ADGRV1: variants seen among roughly 807,000 people sequenced by gnomAD.
ADGRV1 encodes adhesion G protein-coupled receptor V1.
Under a neutral mutation model 596.2 loss-of-function variants are expected in ADGRV1, and 359 were observed. That is an observed-to-expected ratio of 0.60 (90% CI 0.55 to 0.66). The LOEUF is 0.66. ADGRV1 is among the 30% of genes least tolerant of loss of function. ADGRV1 has a pLI of 0.00. For missense variants in ADGRV1, 7,274 were observed against 7,575.6 expected (o/e 0.96, Z 1.48); for synonymous variants, 2,681 against 2,679.2 (o/e 1.00, Z -0.02).
Position 90,781,507 on chromosome 5 carries a change from G to C in ADGRV1, c.13160G>C (p.Arg4387Pro), listed in dbSNP as rs776130832. 1.2e-6 allele frequency: 2 copies of C among 1,610,576 alleles called. No homozygotes were observed. Among genetic ancestry groups the C allele is most frequent in the Non-Finnish European group, 1.7e-6 (2 of 1,177,996 alleles). Residue 4387 changes from arginine (R) to proline (P), a missense_variant, in exon 65 of 90, where the codon CGC becomes CCC. By Grantham distance (103) the Arg-to-Pro change is moderately radical. Transcript: ENST00000405460. ...GAAATAGGAAACATCTCCATTGTTCGCATCATAATAATGAAAAATGATAAC... is the reference window on the plus strand; with the variant it reads ...GAAATAGGAAACATCTCCATTGTTCCCATCATAATAATGAAAAATGATAAC... Reference protein sequence around the residue: ...PPEIGNISIVRIIIMKNDNAE... With the variant: ...PPEIGNISIVPIIIMKNDNAE...
At chr5:90,862,565 G>T (rs1767711249) in intron 82 of ADGRV1, among the ~76,000 whole-genome samples, 1 of 152,128 alleles carries the variant, frequency 6.6e-6, no homozygotes, top group Non-Finnish European at 1.5e-5. Flanking sequence ...TGACTCTGCA[G>T]TTCCTGAAGA....
At chr5:91,053,845 C>T (rs1786572116) in intron 85 of ADGRV1, among the ~76,000 whole-genome samples, 1 of 152,182 alleles carries the variant, frequency 6.6e-6, no homozygotes, top group South Asian at 2.1e-4. Flanking sequence ...GCTCAGGAAG[C>T]ATGTCTTATT....
Position 91,135,646 on chromosome 5 carries a change from C to A in ADGRV1, c.18433-14384C>A, listed in dbSNP as rs192949066. 2.2e-4 allele frequency among the ~76,000 whole-genome samples: 33 copies of A among 152,314 alleles called. No homozygotes were observed. The East Asian group carries it at 5.6e-3, about 26-fold the overall frequency. On this transcript the variant is annotated intron_variant, in intron 87 of 89. Coordinates refer to ENST00000405460, the MANE Select transcript of ADGRV1 (RefSeq NM_032119.4). Reference sequence around the variant, plus strand: ...CTGCCCTTGTTTTCTAGGCCCCAGGCAATACAGGCTTTTCTGGAGTTCATA... The same window carrying A: ...CTGCCCTTGTTTTCTAGGCCCCAGGAAATACAGGCTTTTCTGGAGTTCATA...
intron 84 of ADGRV1, among the ~76,000 whole-genome samples, chr5:90,978,035 G>A (rs1404508542): frequency 1.3e-5 from 2 of 152,018 alleles, no homozygotes; most frequent in Non-Finnish European, 2.9e-5. Context: ...GGTAGCTCAA[G>A]CCTGTAATCC....
chr5:91,111,284 ATG>A (rs1359793011), intron 87 of ADGRV1, among the ~76,000 whole-genome samples: 1 of 151,922 alleles, frequency 6.6e-6, no homozygotes, highest in Non-Finnish European at 1.5e-5. Flanking sequence ...CTTGTTTTCT[ATG>A]TGTCTCTCGT....
At position 90,956,754 on chromosome 5, in the gene ADGRV1, G is replaced by A. The variant is rs377045861; in HGVS notation, c.17857-8661G>A. Among the ~76,000 whole-genome samples the A allele has an allele frequency of 1.1e-4, 16 of 152,214 alleles. 1 individual carries two copies. In the East Asian group the frequency reaches 2.5e-3, roughly 24 times the overall value. On this transcript the variant is annotated intron_variant, in intron 83 of 89. Transcript: ENST00000405460. ...TTAGTGATTTTTGGAGTACATGCTA[G>A]CATCGGTGATTTTAAGTGGTTATTT...
At chr5:90,936,028 G>A (rs1775657218) in intron 83 of ADGRV1, among the ~76,000 whole-genome samples, 2 of 152,146 alleles carry the variant, frequency 1.3e-5, no homozygotes, top group Non-Finnish European at 1.5e-5. Flanking sequence ...AAGAGTTTTA[G>A]AATAAGACTC....
intron 81 of ADGRV1, among the ~76,000 whole-genome samples, chr5:90,854,450 A>T (rs1766832278): frequency 6.6e-6 from 1 of 152,164 alleles, no homozygotes; most frequent in Non-Finnish European, 1.5e-5. Flanking sequence ...CTTTCACGGG[A>T]TGTGGCATGA....
chr5:91,015,577 A>C (rs1034377586), intron 85 of ADGRV1, among the ~76,000 whole-genome samples: 2 of 152,052 alleles, frequency 1.3e-5, no homozygotes, highest in Non-Finnish European at 2.9e-5. Flanking sequence ...TGTTGGGTGC[A>C]TATATATTTA....
chr5:90,660,541 A>G (rs1352245864), intron 21 of ADGRV1, among the ~76,000 whole-genome samples: 1 of 148,944 alleles, frequency 6.7e-6, no homozygotes, highest in Admixed American at 6.8e-5. Flanking sequence ...GTTAAAAAAA[A>G]TTCCCTCAAA....
intron 87 of ADGRV1, among the ~76,000 whole-genome samples, chr5:91,114,124 C>G (rs551084315): frequency 5.6e-4 from 85 of 152,148 alleles, no homozygotes; most frequent in African/African-American, 1.9e-3. Flanking sequence ...GAGGCTGAGG[C>G]AGGAGAATCA....
intron 85 of ADGRV1, among the ~76,000 whole-genome samples, chr5:91,001,721 A>G (rs887075282): frequency 1.3e-5 from 2 of 152,186 alleles, no homozygotes; most frequent in Non-Finnish European, 2.9e-5. Context: ...TTTTTATTGC[A>G]TGTTTCAGAA....
chr5:91,162,696 C>T (rs995423366), intron 89 of ADGRV1, among the ~76,000 whole-genome samples: 3 of 152,142 alleles, frequency 2.0e-5, no homozygotes, highest in South Asian at 2.1e-4. Context: ...AGAGAGAGTG[C>T]GAAGGTCAGA....
rs1392308526 is a variant in ADGRV1 at position 91,034,743 on chromosome 5, A to G, written c.18153-37704A>G. On this transcript the variant is annotated intron_variant, in intron 85 of 89. Transcript: ENST00000405460. ...TTTTTTTGCATCCTGCCAAATTCTA[A>G]AAGTACAAGTCAGAGTGACAAGCAG... Among the ~76,000 whole-genome samples, 3 of 152,184 alleles carry G rather than the reference A, an allele frequency of 2.0e-5. No individual in the cohort carries two copies. In the East Asian group the frequency reaches 5.8e-4, roughly 29 times the overall value.
intron 83 of ADGRV1, among the ~76,000 whole-genome samples, chr5:90,921,563 A>G (rs1416176841): frequency 6.6e-6 from 1 of 152,108 alleles, no homozygotes; most frequent in Admixed American, 6.6e-5. Context: ...CAGAGCTGCA[A>G]TTTCTTTTGC....
At chr5:90,560,149 CT>C (rs1561287328) in intron 1 of ADGRV1, among the ~76,000 whole-genome samples, 1 of 152,158 alleles carries the variant, frequency 6.6e-6, no homozygotes, top group Non-Finnish European at 1.5e-5. Context: ...TTCACCCATC[CT>C]TCCAGGCATT....
intron 85 of ADGRV1, among the ~76,000 whole-genome samples, chr5:90,999,618 C>T (rs1350047024): frequency 1.3e-5 from 2 of 151,888 alleles, no homozygotes; most frequent in Non-Finnish European, 2.9e-5. Context: ...CTTTTTTATT[C>T]CCATTACAAA....
intron 75 of ADGRV1, among the ~76,000 whole-genome samples, chr5:90,816,012 C>T (rs1762855765): frequency 6.6e-6 from 1 of 152,336 alleles, no homozygotes; most frequent in Non-Finnish European, 1.5e-5. Context: ...TATCTGCTCA[C>T]TCTACATACA....
chr5:90,754,992 C>T lies in ADGRV1; in HGVS notation c.11387C>T (p.Thr3796Ile), dbSNP rs776374966. 1.1e-5 allele frequency: 18 copies of T among 1,611,192 alleles called. No homozygotes were observed. The East Asian group carries it at 2.2e-4, about 20-fold the overall frequency. ...IRVAEPKENT[T>I]TLQLQIARDK... ...CATGTTTCTCTCACAGAAAACACCA[C>T]CACTCTTCAGTTACAAATAGCTCGA... The change falls in exon 55 of 90, where the codon ACC (threonine) becomes ATC (isoleucine). Residue 3796 changes from threonine to isoleucine, a missense_variant. Around this residue, in one of 5 missense-constraint regions of ADGRV1, gnomAD observed 3,643 missense variants for 3,809.2 expected, o/e 0.96. Coordinates refer to ENST00000405460, the MANE Select transcript of ADGRV1 (RefSeq NM_032119.4).
Sources: gnomAD v4.1 joint callset for allele counts (sites outside exome capture counted in the v4.1 genomes callset) on GRCh38, gnomAD v4.1.1 for gene constraint, gnomAD v4.1.1 regional missense constraint, MANE v1.5 for transcripts, NCBI Gene and HGNC (gene_info 2026-07-23, HGNC 2026-07-21) for gene names.